The following SOX5 variants were observed in gnomAD, a reference collection of about 807,000 sequenced individuals.
SOX5 encodes transcription factor SOX-5.
Under a neutral mutation model 92.0 loss-of-function variants are expected in SOX5, and 9 were observed. That is an observed-to-expected ratio of 0.10 (90% CI 0.06 to 0.17). The LOEUF (loss-of-function observed/expected upper bound fraction) is 0.17. Ranked by LOEUF, SOX5 falls within the 10% of genes least tolerant of loss-of-function variation. SOX5 has a pLI of 1.00. For synonymous variants in SOX5, 344 were observed against 336.3 expected (o/e 1.02, Z -0.25); for missense variants, 642 against 944.5 (o/e 0.68, Z 4.20).
intron 4 of SOX5, among the ~76,000 whole-genome samples, chr12:24,161,789 TTCACAC>T (rs1340353439): frequency 1.3e-5 from 2 of 152,154 alleles, no homozygotes; most frequent in Admixed American, 6.6e-5. Flanking sequence ...AAAAGGGAAA[TTCACAC>T]TCTGTTCTTC....
Position 23,895,992 on chromosome 12 carries a change from C to T in SOX5, c.71G>A (p.Gly24Glu), listed in dbSNP as rs778593487. The T allele has an allele frequency of 1.9e-6, 3 of 1,613,966 alleles. No individual in the cohort carries two copies. Among genetic ancestry groups the T allele is most frequent in the Non-Finnish European group, 2.5e-6 (3 of 1,179,878 alleles). Reference protein sequence around the residue: ...MSSKRPASPYGEADGEVAMVT... With the variant: ...MSSKRPASPYEEADGEVAMVT... ...CATGGCTACCTCTCCATCTGCTTCCCCATACGGAGAGGCTGGTCGCTTGGA... is the reference window on the plus strand; with the variant it reads ...CATGGCTACCTCTCCATCTGCTTCCTCATACGGAGAGGCTGGTCGCTTGGA... Residue 24 changes from glycine (G) to glutamate (E), a missense_variant, in exon 2 of 15, where the codon GGG (glycine) becomes GAG (glutamate). Around this residue, in one of 8 missense-constraint regions of SOX5, gnomAD observed 113 missense variants for 117.7 expected, o/e 0.96. Transcript: ENST00000451604.
chr12:24,371,794 C>A (rs934125467), intron 1 of SOX5, among the ~76,000 whole-genome samples: 2 of 152,130 alleles, frequency 1.3e-5, no homozygotes, highest in Non-Finnish European at 2.9e-5. Context: ...TCCAGACCAG[C>A]CTATCCAACA....
intron 2 of SOX5, among the ~76,000 whole-genome samples, chr12:23,871,719 T>C (rs1031575323): frequency 3.3e-5 from 5 of 152,102 alleles, no homozygotes; most frequent in Admixed American, 6.5e-5. Flanking sequence ...AAAACTAATA[T>C]ATTAATATTA....
At chr12:24,264,205 G>T (rs1942680117) in intron 3 of SOX5, among the ~76,000 whole-genome samples, 1 of 152,024 alleles carries the variant, frequency 6.6e-6, no homozygotes, top group Non-Finnish European at 1.5e-5. Context: ...CTATTCTTTT[G>T]TATTCCAATG....
At chr12:24,102,491 A>G (rs1946206773) in intron 4 of SOX5, among the ~76,000 whole-genome samples, 1 of 152,202 alleles carries the variant, frequency 6.6e-6, no homozygotes, top group Admixed American at 6.5e-5. Flanking sequence ...TAGGGAAACA[A>G]ATCAATTCTT....
chr12:23,777,953 G>A (rs2095159227), intron 3 of SOX5, among the ~76,000 whole-genome samples: 1 of 152,130 alleles, frequency 6.6e-6, no homozygotes, highest in Admixed American at 6.5e-5. Flanking sequence ...GTGGGTTTGT[G>A]TTTAAAGATA....
intron 4 of SOX5, among the ~76,000 whole-genome samples, chr12:23,994,864 C>T (rs532359663): frequency 1.3e-5 from 2 of 152,282 alleles, no homozygotes; most frequent in South Asian, 2.1e-4. Flanking sequence ...AGAAATCAAG[C>T]TGTTACTGTA....
intron 4 of SOX5, among the ~76,000 whole-genome samples, chr12:23,742,231 C>A (rs2093821773): frequency 1.3e-5 from 2 of 152,058 alleles, no homozygotes; most frequent in African/African-American, 4.8e-5. Context: ...TAGTTAGTAG[C>A]TTATAATTTT....
At chr12:23,940,140 T>C (rs753410088) in intron 1 of SOX5, among the ~76,000 whole-genome samples, 7 of 151,404 alleles carry the variant, frequency 4.6e-5, no homozygotes, top group East Asian at 3.9e-4. Context: ...AGTGTCTTGT[T>C]CATTTAACCA....
At chr12:23,993,033 C>T (rs1305130565) in intron 4 of SOX5, among the ~76,000 whole-genome samples, 1 of 152,198 alleles carries the variant, frequency 6.6e-6, no homozygotes, top group Non-Finnish European at 1.5e-5. Flanking sequence ...ATTAACTCTA[C>T]TCAGAAGATT....
At chr12:23,985,334 A>G (rs1186502359) in intron 4 of SOX5, among the ~76,000 whole-genome samples, 1 of 152,024 alleles carries the variant, frequency 6.6e-6, no homozygotes, top group Non-Finnish European at 1.5e-5. Context: ...CTGTAGCCTC[A>G]AACTCCTGGC....
At chr12:23,737,984 G>A (rs542618560) in intron 5 of SOX5, among the ~76,000 whole-genome samples, 9 of 152,208 alleles carry the variant, frequency 5.9e-5, no homozygotes, top group South Asian at 4.1e-4. Context: ...ACTTAGCAAC[G>A]TACAGTTTAC....
intron 4 of SOX5, among the ~76,000 whole-genome samples, chr12:24,010,070 T>C (rs1414956979): frequency 6.6e-6 from 1 of 152,200 alleles, no homozygotes; most frequent in Admixed American, 6.5e-5. Context: ...TTTCCATCAG[T>C]AGAAATATAA....
intron 4 of SOX5, among the ~76,000 whole-genome samples, chr12:24,114,931 G>C (rs1310274607): frequency 4.1e-5 from 3 of 72,378 alleles, no homozygotes; most frequent in African/African-American, 8.0e-5. Context: ...GTGAGACCCT[G>C]TCTCTAACTA....
intron 4 of SOX5, among the ~76,000 whole-genome samples, chr12:24,002,915 C>T (rs74068033): frequency 0.019 from 2,466 of 128,732 alleles, 57 homozygotes; most frequent in African/African-American, 0.063. Context: ...TATATAGACA[C>T]AAAAATTTGA....
intron 4 of SOX5, among the ~76,000 whole-genome samples, chr12:24,082,027 T>C (rs1345475970): frequency 2.0e-5 from 3 of 151,958 alleles, no homozygotes; most frequent in Non-Finnish European, 4.4e-5. Context: ...CAAACTTACT[T>C]TGTATTTAAT....
At chr12:24,131,102 T>G (rs554606161) in intron 4 of SOX5, among the ~76,000 whole-genome samples, 2 of 152,312 alleles carry the variant, frequency 1.3e-5, no homozygotes, top group South Asian at 4.1e-4. Context: ...TTTTACCTAC[T>G]TCCTCTGAGT....
At chr12:24,032,635 T>C (rs887408914) in intron 4 of SOX5, among the ~76,000 whole-genome samples, 1 of 151,850 alleles carries the variant, frequency 6.6e-6, no homozygotes, top group Non-Finnish European at 1.5e-5. Context: ...AATCAACTTA[T>C]GCATTCATTC....
chr12:23,630,020 T>G (rs1340258391), intron 8 of SOX5, among the ~76,000 whole-genome samples: 1 of 151,946 alleles, frequency 6.6e-6, no homozygotes, highest in Non-Finnish European at 1.5e-5. Flanking sequence ...GGGACATGTA[T>G]CCTAGTGTAT....
Sources: allele counts gnomAD v4.1 joint callset (sites outside exome capture counted in the v4.1 genomes callset), GRCh38; gene constraint gnomAD v4.1.1; regional missense constraint gnomAD v4.1.1; transcripts MANE v1.5; gene names NCBI Gene and HGNC (gene_info 2026-07-23, HGNC 2026-07-21).